PCDHGA2: variants seen among roughly 807,000 people sequenced by gnomAD.
PCDHGA2 encodes the protein protocadherin gamma subfamily A, 2.
Under a neutral mutation model 59.2 loss-of-function variants are expected in PCDHGA2, and 40 were observed. The ratio of observed to expected loss-of-function variants is 0.68; its 90% confidence interval spans 0.52 to 0.88. The LOEUF (loss-of-function observed/expected upper bound fraction) is 0.88, where lower values mean the gene tolerates loss of function less well. Among genes scored for constraint, PCDHGA2 ranks in the 40% least tolerant of loss-of-function variants. The probability of loss-of-function intolerance (pLI) is 0.00; values close to 1 mark genes in which losing one functional copy is unlikely to be tolerated. For missense variants in PCDHGA2, 1,226 were observed against 1,204.0 expected (o/e 1.02, Z -0.27); for synonymous variants, 560 against 526.0 (o/e 1.06, Z -0.89).
chr5:141,455,037 C>T (rs1251627513), intron 1 of PCDHGA2, among the ~76,000 whole-genome samples: 1 of 151,744 alleles, frequency 6.6e-6, no homozygotes, highest in Non-Finnish European at 1.5e-5. Flanking sequence ...TGGTCTCGAT[C>T]TCCTGACCTC....
chr5:141,345,579 G>C lies in PCDHGA2; in HGVS notation c.2424+4184G>C, dbSNP rs751237664. 5.6e-6 allele frequency: 9 copies of C among 1,614,042 alleles called. No individual in the cohort carries two copies. The highest frequency in any genetic ancestry group is 5.9e-6 in the Non-Finnish European group (7 of 1,180,044). On this transcript the variant is annotated intron_variant, in intron 1 of 3. Transcript: ENST00000394576. The stretch of plus-strand genomic sequence containing the variant: ...CAACTCCAACACTGGCGTCCTATAC[G>C]CGCTGAGATCCTTCGACTACGAGCA...
chr5:141,389,118 C>A (rs2091610213), intron 1 of PCDHGA2: 1 of 1,613,888 alleles, frequency 6.2e-7, no homozygotes, highest in Admixed American at 1.7e-5. Context: ...AGACCGCGAG[C>A]AGAATCCAGA....
intron 1 of PCDHGA2, chr5:141,421,475 G>A (rs752558543): frequency 4.3e-6 from 7 of 1,614,150 alleles, no homozygotes. Flanking sequence ...CCGCGAAGCG[G>A]CAGCTTGATC....
rs756079907 is a variant in PCDHGA2, at chr5:141,346,289, C to G, written c.2424+4894C>G. ...ACGGGGTTCGGGCTTTCCTGCAGAC[C>G]TATTCCCACGAGGTCTCCCTCACTG... On this transcript the variant is annotated intron_variant, in intron 1 of 3. Transcript: ENST00000394576. The G allele has an allele frequency of 1.2e-5, 20 of 1,614,104 alleles. 2 individuals are homozygous for G. The South Asian group carries it at 2.0e-4, about 16-fold the overall frequency.
chr5:141,466,115 C>A (rs2099117208), intron 1 of PCDHGA2, among the ~76,000 whole-genome samples: 1 of 151,618 alleles, frequency 6.6e-6, no homozygotes, highest in African/African-American at 2.4e-5. Context: ...GAGTGAGACT[C>A]CAGCTCAAAA....
chr5:141,365,018 G>T, intron 1 of PCDHGA2: 1 of 1,613,880 alleles, frequency 6.2e-7, no homozygotes, highest in Non-Finnish European at 8.5e-7. Context: ...GCACATCCGT[G>T]TTACGGTCCT....
At chr5:141,352,091 G>T in intron 1 of PCDHGA2, 2 of 1,605,050 alleles carry the variant, frequency 1.2e-6, no homozygotes, top group Non-Finnish European at 8.5e-7. Flanking sequence ...CAGCGAGCCC[G>T]GGCTCTTCAG....
intron 1 of PCDHGA2, among the ~76,000 whole-genome samples, chr5:141,373,413 C>T (rs1769555622): frequency 6.6e-6 from 1 of 152,186 alleles, no homozygotes; most frequent in African/African-American, 2.4e-5. Flanking sequence ...GTCCCAGCTA[C>T]TCGGGAGGCT....
At chr5:141,424,215 G>T in intron 1 of PCDHGA2, 1 of 167,104 alleles carries the variant, frequency 6.0e-6, no homozygotes. Flanking sequence ...TTTTCTCTGA[G>T]CAATTTTATT....
chr5:141,341,053 G>T lies in PCDHGA2; in HGVS notation c.2082G>T (p.Val694=). 1.9e-6 allele frequency: 3 copies of T among 1,614,188 alleles called. No individual in the cohort carries two copies. In the East Asian group the frequency reaches 6.7e-5, roughly 36 times the overall value. Residue 694 remains valine (V), a synonymous_variant, in exon 1 of 4, where the codon GTG becomes GTT. Coordinates refer to ENST00000394576, the MANE Select transcript of PCDHGA2 (RefSeq NM_018915.4). The stretch of plus-strand genomic sequence containing the variant: ...ATTCGGACCTCACTCTGTACCTGGT[G>T]GTGGCGGTGGCCGCGGTCTCCTGCG... ...PNDSDLTLYL[V]VAVAAVSCVF...
intron 1 of PCDHGA2, chr5:141,371,657 G>T: frequency 6.2e-7 from 1 of 1,613,988 alleles, no homozygotes; most frequent in Non-Finnish European, 8.5e-7. Context: ...ACAATGTGAC[G>T]ATCACAGCTA....
At chr5:141,371,025 G>A (rs752262300) in intron 1 of PCDHGA2, 1 of 1,613,988 alleles carries the variant, frequency 6.2e-7, no homozygotes, top group Non-Finnish European at 8.5e-7. Flanking sequence ...TCACCACCTG[G>A]TCCTCACAGC....
rs776120937 is a variant in PCDHGA2 at position 141,388,588 on chromosome 5, C to A, written c.2424+47193C>A. On this transcript the variant is annotated intron_variant, in intron 1 of 3. Transcript: ENST00000394576. ...CAGATACACGTTCTAGTGACTGATG[C>A]CAATGATAATGCTCCAGTGTTCAGT... The A allele has an allele frequency of 1.9e-6, 3 of 1,613,876 alleles. No individual in the cohort carries two copies. The South Asian group carries it at 3.3e-5, about 18-fold the overall frequency.
chr5:141,430,913 C>A (rs1485488693), intron 1 of PCDHGA2: 1 of 1,607,720 alleles, frequency 6.2e-7, no homozygotes, highest in East Asian at 2.2e-5. Context: ...CTCCAGGGAC[C>A]TGGGGCTGGA....
intron 1 of PCDHGA2, among the ~76,000 whole-genome samples, chr5:141,434,748 C>T (rs932613622): frequency 2.0e-5 from 3 of 151,818 alleles, no homozygotes; most frequent in African/African-American, 7.3e-5. Flanking sequence ...CTATGAGACC[C>T]CTGATTCCCC....
At chr5:141,419,325 AC>A (rs768622826) in intron 1 of PCDHGA2, 1 of 1,613,702 alleles carries the variant, frequency 6.2e-7, no homozygotes, top group Non-Finnish European at 8.5e-7. Context: ...CGTGTCTCCT[AC>A]TCTCTCATTG....
At chr5:141,379,674 AC>A (rs1181796015) in intron 1 of PCDHGA2, 1 of 152,100 alleles carries the variant, frequency 6.6e-6, no homozygotes, top group Non-Finnish European at 1.5e-5. Flanking sequence ...AAAGTCATTC[AC>A]TCATGTGGAC....
chr5:141,345,240 C>G (rs757266874), intron 1 of PCDHGA2: 3 of 1,613,924 alleles, frequency 1.9e-6, no homozygotes, highest in South Asian at 1.1e-5. Flanking sequence ...TCAATATTAC[C>G]GCTTAGTGAC....
intron 1 of PCDHGA2, chr5:141,357,513 C>T (rs1239819911): frequency 2.5e-6 from 4 of 1,614,122 alleles, no homozygotes; most frequent in East Asian, 2.2e-5. Context: ...TGATCTTCTC[C>T]CAACCCAGCT....
Sources: allele counts gnomAD v4.1 joint callset (sites outside exome capture counted in the v4.1 genomes callset), GRCh38; gene constraint gnomAD v4.1.1; transcripts MANE v1.5; gene names NCBI Gene and HGNC (gene_info 2026-07-23, HGNC 2026-07-21).